Variants in FBXO40 observed in about 807,000 individuals in gnomAD.
FBXO40 encodes F-box only protein 40.
Under a neutral mutation model 49.9 loss-of-function variants are expected in FBXO40, and 50 were observed. That is an observed-to-expected ratio of 1.00 (90% CI 0.80 to 1.27). FBXO40 has a LOEUF of 1.27. FBXO40 is among the 50% of genes most tolerant of loss of function. The pLI is 0.00. For missense variants in FBXO40, 895 were observed against 870.1 expected, an observed-to-expected ratio of 1.03 and a Z score of -0.36; for synonymous variants, 340 against 320.2, an observed-to-expected ratio of 1.06 and a Z score of -0.66.
chr3:121,602,163 G>A (rs1478220145), intron 1 of FBXO40, among the ~76,000 whole-genome samples: 2 of 152,102 alleles, frequency 1.3e-5, no homozygotes, highest in South Asian at 2.1e-4. Flanking sequence ...TGATCTCTCC[G>A]TCTCTGGTTC....
At position 121,628,778 on chromosome 3, in the gene FBXO40, T is replaced by C. The variant is rs2049077108; in HGVS notation, c.*1868T>C. On this transcript the variant is annotated 3_prime_UTR_variant, in exon 4 of 4. Coordinates refer to ENST00000338040, the MANE Select transcript of FBXO40 (RefSeq NM_016298.4). Reference sequence around the variant, plus strand: ...AATAGGTTTTAGACATGTGGTGATTTTAAGTTGGGAACCAGAAGGAAATGA... The same window carrying C: ...AATAGGTTTTAGACATGTGGTGATTCTAAGTTGGGAACCAGAAGGAAATGA... 1.3e-5 allele frequency: 2 copies of C among 152,230 alleles called. No individual in the cohort carries two copies. Among genetic ancestry groups the C allele is most frequent in the Admixed American group, 1.3e-4 (2 of 15,288 alleles). 9.4% of individuals were successfully genotyped at this position (152,230 alleles called of 1,614,324 possible). A position where few individuals can be genotyped will look rare whatever the true frequency, so the allele number is the denominator to read the frequency against.
intron 1 of FBXO40, among the ~76,000 whole-genome samples, chr3:121,595,847 A>G (rs2048868499): frequency 6.6e-6 from 1 of 152,240 alleles, no homozygotes; most frequent in Non-Finnish European, 1.5e-5. Flanking sequence ...GAGTTAAAAA[A>G]TCTTTGACCT....
intron 1 of FBXO40, among the ~76,000 whole-genome samples, chr3:121,598,591 G>C (rs942382916): frequency 1.3e-5 from 2 of 152,168 alleles, no homozygotes; most frequent in African/African-American, 4.8e-5. Context: ...ACTGAGACAT[G>C]GTGCAAAATA....
chr3:121,597,364 G>A (rs7634634), intron 1 of FBXO40, among the ~76,000 whole-genome samples: 38,347 of 151,896 alleles, frequency 0.25, 6,004 homozygotes, highest in Middle Eastern at 0.38. Context: ...AAAGGGGGCC[G>A]AAAGTGGGGG....
intron 1 of FBXO40, among the ~76,000 whole-genome samples, chr3:121,616,145 T>G (rs1170915383): frequency 1.3e-5 from 2 of 152,182 alleles, no homozygotes; most frequent in East Asian, 3.8e-4. Context: ...TATCTTCTGC[T>G]GGGCCCTGAC....
intron 1 of FBXO40, among the ~76,000 whole-genome samples, chr3:121,603,782 G>A (rs112287507): frequency 6.6e-6 from 1 of 151,986 alleles, no homozygotes; most frequent in African/African-American, 2.4e-5. Context: ...GCAGTGGCAC[G>A]ATCTCAGCTC....
In FBXO40 at chr3:121,627,744, T is replaced by C; in HGVS notation, c.*834T>C. 2.5e-6 allele frequency: 1 copy of C among 398,280 alleles called. No homozygotes were observed. The highest frequency in any genetic ancestry group is 4.4e-6 in the Non-Finnish European group (1 of 226,040). 24.7% of individuals were successfully genotyped at this position (398,280 alleles called of 1,614,324 possible). The stretch of plus-strand genomic sequence containing the variant: ...ATTATGTTCTGAGTTAGGCAGAACA[T>C]AGCCATGGCCCTGGGCCACCCTGTG... On this transcript the variant is annotated 3_prime_UTR_variant, in exon 4 of 4. Transcript: ENST00000338040.
chr3:121,628,473 A>G lies in FBXO40; in HGVS notation c.*1563A>G, dbSNP rs2049075784. 6.6e-6 allele frequency: 1 copy of G among 152,154 alleles called. No homozygotes were observed. Among genetic ancestry groups the G allele is most frequent in the African/African-American group, 2.4e-5 (1 of 41,424 alleles). 9.4% of individuals were successfully genotyped at this position (152,154 alleles called of 1,614,324 possible). Reference sequence around the variant, plus strand: ...CACTGCGCCCTGCCTGAACTGGATAATTCTTTGTTGCAAGGGACTGTTCTG... The same window carrying G: ...CACTGCGCCCTGCCTGAACTGGATAGTTCTTTGTTGCAAGGGACTGTTCTG... On this transcript the variant is annotated 3_prime_UTR_variant, in exon 4 of 4. Coordinates refer to ENST00000338040, the MANE Select transcript of FBXO40 (RefSeq NM_016298.4).
At position 121,620,574 on chromosome 3, in the gene FBXO40, C is replaced by T. The variant is rs1374263770; in HGVS notation, c.-2C>T. The T allele has an allele frequency of 1.2e-6, 2 of 1,614,104 alleles. No homozygotes were observed. Among genetic ancestry groups the T allele is most frequent in the East Asian group, 2.2e-5 (1 of 44,874 alleles). ...TAAGAAGCAAGAAGAAATTGGGGCG[C>T]CATGGTAAGCACCAGGAGCTTATTG... On this transcript the variant is annotated 5_prime_UTR_variant, in exon 2 of 4. Transcript: ENST00000338040.
intron 1 of FBXO40, among the ~76,000 whole-genome samples, chr3:121,614,303 G>T (rs1265297712): frequency 1.3e-5 from 2 of 150,306 alleles, no homozygotes; most frequent in East Asian, 1.9e-4. Flanking sequence ...TTAGCTGGGC[G>T]TGGTGGTGTG....
rs1293012440 is a variant in FBXO40 at position 121,622,944 on chromosome 3, C to T, written c.1515C>T (p.Gly505=). The part of the protein sequence containing the change: ...VHTDIQSCLN[G]WFQHRCPLAY... ...CAGACATTCAGTCATGTCTCAATGG[C>T]TGGTTCCAGCATCGATGCCCCCTCG... The change falls in exon 3 of 4, where the codon GGC becomes GGT. Residue 505 remains glycine, a synonymous_variant. Transcript: ENST00000338040. The T allele has an allele frequency of 2.5e-6, 4 of 1,614,242 alleles. No homozygotes were observed. Among genetic ancestry groups the T allele is most frequent in the Non-Finnish European group, 3.4e-6 (4 of 1,180,036 alleles).
Position 121,622,445 on chromosome 3 carries a change from T to C in FBXO40, c.1016T>C (p.Leu339Pro). The C allele has an allele frequency of 1.2e-6, 2 of 1,614,234 alleles. No homozygotes were observed. Among genetic ancestry groups the C allele is most frequent in the Non-Finnish European group, 1.7e-6 (2 of 1,180,052 alleles). Reference protein sequence around the residue: ...PKERDFVYGKLEAQEVKTVYT... With the variant: ...PKERDFVYGKPEAQEVKTVYT... The stretch of plus-strand genomic sequence containing the variant: ...GAGAGAGACTTTGTTTATGGCAAGC[T>C]GGAGGCTCAGGAAGTTAAGACTGTT... Residue 339 changes from leucine to proline, a missense_variant, in exon 3 of 4, where the codon CTG (leucine) becomes CCG (proline). Leu to Pro is a moderately conservative substitution (Grantham distance 98). Coordinates refer to ENST00000338040, the MANE Select transcript of FBXO40 (RefSeq NM_016298.4).
intron 1 of FBXO40, among the ~76,000 whole-genome samples, chr3:121,594,108 T>C (rs2048857300): frequency 6.6e-6 from 1 of 152,066 alleles, no homozygotes; most frequent in Non-Finnish European, 1.5e-5. Context: ...CCTCAAATGA[T>C]CCGCCCACCT....
chr3:121,615,002 G>C (rs951193991), intron 1 of FBXO40, among the ~76,000 whole-genome samples: 1 of 152,088 alleles, frequency 6.6e-6, no homozygotes, highest in South Asian at 2.1e-4. Context: ...GGTGGATCAC[G>C]AGGTCAGGAG....
Position 121,622,081 on chromosome 3 carries a change from T to G in FBXO40, c.652T>G (p.Trp218Gly). ...EGMDLVKFGQ[W>G]ENIFSKEHAA... ...GATGGACCTGGTCAAGTTTGGCCAG[T>G]GGGAAAATATTTTCAGCAAAGAGCA... The change falls in exon 3 of 4, where the codon TGG (tryptophan) becomes GGG (glycine). Residue 218 changes from tryptophan to glycine, a missense_variant. Physicochemically the swap from Trp to Gly is radical, Grantham distance 184. Coordinates refer to ENST00000338040, the MANE Select transcript of FBXO40 (RefSeq NM_016298.4). 6.2e-7 allele frequency: 1 copy of G among 1,613,966 alleles called. No homozygotes were observed. Among genetic ancestry groups the G allele is most frequent in the Non-Finnish European group, 8.5e-7 (1 of 1,179,956 alleles).
chr3:121,622,966 C>G lies in FBXO40; in HGVS notation c.1537C>G (p.Leu513Val). The change falls in exon 3 of 4, where the codon CTC becomes GTC. Residue 513 changes from leucine to valine, a missense_variant. Leu to Val is a conservative substitution (Grantham distance 32). Transcript: ENST00000338040. ...TGGCTGGTTCCAGCATCGATGCCCC[C>G]TCGCCTACTTGGGATGTACATTTGT... ...LNGWFQHRCP[L>V]AYLGCTFVQN... The G allele has an allele frequency of 6.2e-7, 1 of 1,614,220 alleles. No individual in the cohort carries two copies.
At position 121,622,722 on chromosome 3, in the gene FBXO40, C is replaced by A; in HGVS notation, c.1293C>A (p.Tyr431Ter). ...TCATGGATTTTGCCACACAAACATA[C>A]AACTTTGAGCCAGAACAGTTTTCCT... ...GLFMDFATQT[Y>*]NFEPEQFSSG... The change falls in exon 3 of 4, where the codon TAC (tyrosine) becomes TAA (stop). Residue 431 changes from tyrosine to a stop codon, truncating the protein, a stop_gained. Transcript: ENST00000338040. LOFTEE classifies it high-confidence loss of function. 3.7e-6 allele frequency: 6 copies of A among 1,614,198 alleles called. No homozygotes were observed. Among genetic ancestry groups the A allele is most frequent in the Non-Finnish European group, 5.1e-6 (6 of 1,180,030 alleles).
Position 121,622,782 on chromosome 3 carries a change from C to T in FBXO40, c.1353C>T (p.Thr451=), listed in dbSNP as rs2108851567. 1 of 1,614,164 alleles carries T rather than the reference C, an allele frequency of 6.2e-7. No individual in the cohort carries two copies. Among genetic ancestry groups the T allele is most frequent in the Non-Finnish European group, 8.5e-7 (1 of 1,180,018 alleles). ...GTVLADLTAA[T]PGGLHVELHS... is the part of the protein sequence containing the mutation. ...TGCTGGCTGACCTAACCGCTGCCAC[C>T]CCAGGGGGACTCCACGTGGAGCTCC... Residue 451 remains threonine (T), a synonymous_variant, in exon 3 of 4, where the codon ACC becomes ACT. Coordinates refer to ENST00000338040, the MANE Select transcript of FBXO40 (RefSeq NM_016298.4).
At chr3:121,613,477 T>C (rs2048978679) in intron 1 of FBXO40, among the ~76,000 whole-genome samples, 1 of 152,070 alleles carries the variant, frequency 6.6e-6, no homozygotes, top group Non-Finnish European at 1.5e-5. Context: ...AGGGCAAAAA[T>C]GACATTCTGG....
Sources: gnomAD v4.1 joint callset for allele counts (sites outside exome capture counted in the v4.1 genomes callset) on GRCh38, gnomAD v4.1.1 for gene constraint, MANE v1.5 for transcripts, NCBI Gene and HGNC (gene_info 2026-07-23, HGNC 2026-07-21) for gene names.